DPF3: variants seen among roughly 807,000 people sequenced by gnomAD.
DPF3 encodes zinc finger protein DPF3.
DPF3 carries 18 observed loss-of-function variants against 56.8 expected under a neutral mutation model. That is an observed-to-expected ratio of 0.32 (90% confidence interval 0.22 to 0.47). DPF3 has a LOEUF of 0.47. DPF3 is among the 20% of genes least tolerant of loss of function. The pLI, the probability that DPF3 is intolerant of heterozygous loss-of-function variation, is 1.00. For missense variants in DPF3, 403 were observed against 488.8 expected (o/e 0.82, Z 1.65); for synonymous variants, 188 against 180.2 (o/e 1.04, Z -0.35).
At chr14:72,708,722 C>A (rs745567892) in intron 6 of DPF3, among the ~76,000 whole-genome samples, 1 of 152,196 alleles carries the variant, frequency 6.6e-6, no homozygotes, top group East Asian at 1.9e-4. Context: ...TGGGCTCAAG[C>A]TTTTGTCTGT....
intron 1 of DPF3, among the ~76,000 whole-genome samples, chr14:72,858,278 AGC>A (rs1885247658): frequency 1.4e-5 from 2 of 146,710 alleles, no homozygotes; most frequent in Admixed American, 6.9e-5. Flanking sequence ...ACTGCACTCC[AGC>A]CTGGGTGACA....
At chr14:72,770,384 G>C (rs977178467) in intron 2 of DPF3, among the ~76,000 whole-genome samples, 4 of 152,212 alleles carry the variant, frequency 2.6e-5, no homozygotes, top group African/African-American at 9.6e-5. Flanking sequence ...ACATTAACCA[G>C]TTGCAATGTA....
intron 8 of DPF3, among the ~76,000 whole-genome samples, chr14:72,655,442 T>C (rs192852611): frequency 6.6e-6 from 1 of 152,224 alleles, no homozygotes; most frequent in Non-Finnish European, 1.5e-5. Context: ...TGAGCAATTA[T>C]GAAATCCATG....
chr14:72,846,785 T>G (rs995306244), intron 1 of DPF3, among the ~76,000 whole-genome samples: 5 of 152,102 alleles, frequency 3.3e-5, no homozygotes, highest in Admixed American at 3.3e-4. Context: ...GAAGATGGGC[T>G]CTTATTCTTC....
intron 6 of DPF3, among the ~76,000 whole-genome samples, chr14:72,712,336 G>A (rs1396207198): frequency 6.6e-6 from 1 of 152,140 alleles, no homozygotes; most frequent in African/African-American, 2.4e-5. Context: ...AGTAAGAGAG[G>A]GATGCCCACA....
At chr14:72,804,242 C>T (rs903267349) in intron 1 of DPF3, among the ~76,000 whole-genome samples, 1 of 151,500 alleles carries the variant, frequency 6.6e-6, no homozygotes, top group African/African-American at 2.4e-5. Context: ...AAGATTCCCC[C>T]CTTCCAGATC....
intron 1 of DPF3, among the ~76,000 whole-genome samples, chr14:72,857,838 C>T (rs1286639910): frequency 6.6e-6 from 1 of 152,150 alleles, no homozygotes; most frequent in African/African-American, 2.4e-5. Context: ...CCGCCCACCT[C>T]AGCCTCTCAA....
intron 1 of DPF3, among the ~76,000 whole-genome samples, chr14:72,805,003 G>A (rs73302193): frequency 0.037 from 5,490 of 148,604 alleles, 330 homozygotes; most frequent in African/African-American, 0.13. Flanking sequence ...CTTTCCTCTC[G>A]GAGCTTCAGC....
At chr14:72,814,960 G>C (rs114633401) in intron 1 of DPF3, among the ~76,000 whole-genome samples, 324 of 152,158 alleles carry the variant, frequency 2.1e-3, no homozygotes, top group African/African-American at 5.1e-3. Flanking sequence ...TGCATGAGTC[G>C]TAAAGGAAAA....
chr14:72,678,821 T>A (rs989739618), intron 7 of DPF3, among the ~76,000 whole-genome samples: 1 of 151,976 alleles, frequency 6.6e-6, no homozygotes, highest in Non-Finnish European at 1.5e-5. Context: ...GAGATACAAG[T>A]AAGTTGCTGA....
intron 1 of DPF3, among the ~76,000 whole-genome samples, chr14:72,811,725 T>A (rs1451499262): frequency 6.6e-6 from 1 of 152,126 alleles, no homozygotes; most frequent in Non-Finnish European, 1.5e-5. Flanking sequence ...CTTCCAGAGC[T>A]CCTAGGCACA....
Position 72,844,626 on chromosome 14 carries a change from G to A in DPF3, c.32+49431C>T, listed in dbSNP as rs192687347. On this transcript the variant is annotated intron_variant, in intron 1 of 10. Transcript: ENST00000556509. ...AATTTACATTTTCACACACACTCAC[G>A]CACAAACACACATACAAAGTCAAAT... Among the ~76,000 whole-genome samples, 6 of 151,812 alleles carry A rather than the reference G, an allele frequency of 4.0e-5. No individual in the cohort carries two copies. In the South Asian group the frequency reaches 8.4e-4, roughly 21 times the overall value.
intron 3 of DPF3, among the ~76,000 whole-genome samples, chr14:72,741,128 G>C (rs552593678): frequency 3.7e-4 from 57 of 152,274 alleles, no homozygotes; most frequent in Non-Finnish European, 7.1e-4. Flanking sequence ...CTTTTCCAGC[G>C]GGGCAGTGAG....
At chr14:72,662,412 C>G (rs11463) in intron 8 of DPF3, 1 of 983,790 alleles carries the variant, frequency 1.0e-6, no homozygotes, top group Non-Finnish European at 1.2e-6. Context: ...AATACTGTGC[C>G]ATGTCAGCAC....
At chr14:72,698,365 G>A (rs980259725) in intron 6 of DPF3, among the ~76,000 whole-genome samples, 5 of 152,150 alleles carry the variant, frequency 3.3e-5, no homozygotes, top group African/African-American at 1.2e-4. Context: ...TTGCCCAACT[G>A]TAGGCTAATG....
intron 1 of DPF3, among the ~76,000 whole-genome samples, chr14:72,893,396 C>T (rs1886854166): frequency 6.6e-6 from 1 of 152,194 alleles, no homozygotes; most frequent in African/African-American, 2.4e-5. Flanking sequence ...CGGAGCGCCT[C>T]CGAGATCCGG....
rs1883974537 is a variant in DPF3 at position 72,614,738 on chromosome 14, AT to A, written c.*4558del. ...AGAGGTTTGGCCTTTTTACAAAATA[AT>A]AATAATAATAATCTGTTGCCCAGGA... On this transcript the variant is annotated 3_prime_UTR_variant, in exon 11 of 11. Coordinates refer to ENST00000556509, the MANE Select transcript of DPF3 (RefSeq NM_001280542.3). Among the ~76,000 whole-genome samples the A allele has an allele frequency of 6.9e-6, 1 of 144,118 alleles. No homozygotes were observed. The allele number at this position is 144,118 out of a possible 152,430, so 94.5% of individuals were successfully genotyped here. A position where few individuals can be genotyped will look rare whatever the true frequency, so the allele number is the denominator to read the frequency against.
At chr14:72,706,624 C>G (rs1599372698) in intron 6 of DPF3, among the ~76,000 whole-genome samples, 3 of 152,096 alleles carry the variant, frequency 2.0e-5, no homozygotes, top group Non-Finnish European at 4.4e-5. Context: ...ACTCCAAAGT[C>G]AGGGCACATC....
At chr14:72,835,804 G>T (rs529340766) in intron 1 of DPF3, among the ~76,000 whole-genome samples, 1 of 152,112 alleles carries the variant, frequency 6.6e-6, no homozygotes, top group Non-Finnish European at 1.5e-5. Context: ...GACTTGACCC[G>T]CAGCGAGGCA....
Sources: allele counts gnomAD v4.1 joint callset (sites outside exome capture counted in the v4.1 genomes callset), GRCh38; gene constraint gnomAD v4.1.1; transcripts MANE v1.5; gene names NCBI Gene and HGNC (gene_info 2026-07-23, HGNC 2026-07-21).